Variants in AKAP13 observed in about 807,000 individuals in gnomAD.
AKAP13 encodes the protein A-kinase anchoring protein 13, also known as A-kinase anchor protein 13.
In AKAP13, 80 loss-of-function variants were observed where a neutral mutation model predicts 264.5. The ratio of observed to expected loss-of-function variants is 0.30; its 90% CI spans 0.25 to 0.36. AKAP13 has a LOEUF of 0.36. Among genes scored for constraint, AKAP13 ranks in the 10% least tolerant of loss-of-function variants. The probability of loss-of-function intolerance (pLI) is 1.00; values close to 1 mark genes in which losing one functional copy is unlikely to be tolerated. For synonymous variants in AKAP13, 1,380 were observed against 1,250.2 expected (o/e 1.10, Z -2.19); for missense variants, 3,712 against 3,435.2 (o/e 1.08, Z -2.01).
chr15:85,389,433 CTGT>C (rs1315349992), intron 1 of AKAP13, among the ~76,000 whole-genome samples: 1 of 152,168 alleles, frequency 6.6e-6, no homozygotes, highest in Admixed American at 6.6e-5. Flanking sequence ...TCTGTGCTAC[CTGT>C]TGTTCAGGCT....
chr15:85,432,108 A>G (rs924912495), intron 1 of AKAP13, among the ~76,000 whole-genome samples: 2 of 149,806 alleles, frequency 1.3e-5, no homozygotes, highest in Non-Finnish European at 3.0e-5. Context: ...CTTTTTTTTT[A>G]GAAGAATACG....
In AKAP13 at chr15:85,727,551, C is replaced by T; in HGVS notation, c.7087+88C>T. On this transcript the variant is annotated intron_variant, in intron 29 of 36. Transcript: ENST00000394518. The surrounding 1 kb of genome is among the most constrained non-coding windows in gnomAD (Gnocchi z 5.3). ...GGTGGATTTTAGAGGTACGGGTTTG[C>T]CCTCAGTTCTAAAGCTGCCCCAGCA... is the stretch of plus-strand genomic sequence containing the variant. The T allele has an allele frequency of 6.8e-7, 1 of 1,468,078 alleles. No homozygotes were observed. The highest frequency in any genetic ancestry group is 9.4e-7 in the Non-Finnish European group (1 of 1,060,224). The allele number at this position is 1,468,078 out of a possible 1,614,324, so 90.9% of individuals were successfully genotyped here.
intron 8 of AKAP13, among the ~76,000 whole-genome samples, chr15:85,617,599 G>A (rs1282942514): frequency 6.6e-6 from 1 of 152,152 alleles, no homozygotes; most frequent in Non-Finnish European, 1.5e-5. Context: ...CAGATGCCTG[G>A]GAACCTTGGA....
chr15:85,537,262 CATAA>C (rs1299178228), intron 4 of AKAP13, among the ~76,000 whole-genome samples: 1 of 33,378 alleles, frequency 3.0e-5, no homozygotes, highest in East Asian at 3.9e-4. Context: ...ATGAGTTGCA[CATAA>C]ATACTTTTAA....
intron 3 of AKAP13, among the ~76,000 whole-genome samples, chr15:85,526,421 G>A (rs2077044792): frequency 6.7e-6 from 1 of 150,074 alleles, no homozygotes; most frequent in Non-Finnish European, 1.5e-5. Context: ...ACGTGTGTGT[G>A]TCCATCATAA....
rs745462837 is a variant in AKAP13, at chr15:85,521,582, A to G, written c.181+7A>G. On this transcript the variant is annotated splice_region_variant and intron_variant, in intron 3 of 36. Coordinates refer to ENST00000394518, the MANE Select transcript of AKAP13 (RefSeq NM_007200.5). ...TTGGAGACCATTGCTCCTGGTAAGT[A>G]TTTGAATGGGATCCTTACTAGCTTT... 4 of 1,613,480 alleles carry G rather than the reference A, an allele frequency of 2.5e-6. No individual in the cohort carries two copies. The highest frequency in any genetic ancestry group is 1.1e-5 in the South Asian group (1 of 90,932).
At chr15:85,460,609 G>C (rs910391004) in intron 1 of AKAP13, among the ~76,000 whole-genome samples, 5 of 152,218 alleles carry the variant, frequency 3.3e-5, no homozygotes, top group Admixed American at 6.5e-5. Context: ...ATATAATTAA[G>C]ATGAAAGGCC....
chr15:85,667,344 C>G (rs2083659905), intron 13 of AKAP13, among the ~76,000 whole-genome samples: 1 of 152,054 alleles, frequency 6.6e-6, no homozygotes, highest in African/African-American at 2.4e-5. Context: ...AAAAATTTTT[C>G]TACTTGTTCT....
Position 85,582,116 on chromosome 15 carries a change from A to C in AKAP13, c.4039+9A>C. On this transcript the variant is annotated intron_variant, in intron 7 of 36. Transcript: ENST00000394518. Reference sequence around the variant, plus strand: ...GCCTGAGCCAGCAGCAGGTAAGCAAAACATAATACAAAATTAACAGTCTGA... The same window carrying C: ...GCCTGAGCCAGCAGCAGGTAAGCAACACATAATACAAAATTAACAGTCTGA... 6.4e-7 allele frequency: 1 copy of C among 1,567,968 alleles called. No individual in the cohort carries two copies. Among genetic ancestry groups the C allele is most frequent in the Non-Finnish European group, 8.6e-7 (1 of 1,160,016 alleles).
rs138689107 is a variant in AKAP13 at position 85,511,027 on chromosome 15, T to C, written c.34-10401T>C. On this transcript the variant is annotated intron_variant, in intron 2 of 36. Coordinates refer to ENST00000394518, the MANE Select transcript of AKAP13 (RefSeq NM_007200.5). ...GAATAGATAGATGAAAGATATGTTA[T>C]GAAAAAACCCATTTAAGGCTAGAGA... 6.5e-3 allele frequency among the ~76,000 whole-genome samples: 995 copies of C among 152,240 alleles called. 8 individuals carry two copies. The highest frequency in any genetic ancestry group is 0.014 in the Middle Eastern group (4 of 294).
intron 1 of AKAP13, among the ~76,000 whole-genome samples, chr15:85,402,419 G>C: frequency 6.6e-6 from 1 of 152,110 alleles, no homozygotes; most frequent in East Asian, 1.9e-4. Flanking sequence ...CTTTGTTCTT[G>C]GTATAAGTCT....
intron 2 of AKAP13, among the ~76,000 whole-genome samples, chr15:85,511,354 C>G (rs778330501): frequency 5.3e-5 from 8 of 152,170 alleles, no homozygotes; most frequent in African/African-American, 1.9e-4. Context: ...TAGTTCTTAA[C>G]TTAGTGCAGG....
intron 1 of AKAP13, among the ~76,000 whole-genome samples, chr15:85,458,544 AGATT>A (rs916143222): frequency 3.0e-4 from 46 of 151,984 alleles, no homozygotes; most frequent in African/African-American, 1.0e-3. Flanking sequence ...AATGTTATAT[AGATT>A]ATTTCCAGAT....
chr15:85,534,866 CATA>C (rs761236365), intron 4 of AKAP13: 1 of 151,250 alleles, frequency 6.6e-6, no homozygotes, highest in Middle Eastern at 3.4e-3. Context: ...TTTAATGAAA[CATA>C]ATGTGTACCT....
intron 1 of AKAP13, among the ~76,000 whole-genome samples, chr15:85,432,990 C>T (rs1329965887): frequency 6.6e-6 from 1 of 151,840 alleles, no homozygotes; most frequent in African/African-American, 2.4e-5. Context: ...AGATACTTAA[C>T]ATTTTAGTTT....
At chr15:85,691,674 C>T (rs761478325) in intron 16 of AKAP13, among the ~76,000 whole-genome samples, 1 of 152,202 alleles carries the variant, frequency 6.6e-6, no homozygotes. Flanking sequence ...CCCCACTGTT[C>T]ACCCAGTCTC....
At chr15:85,583,678 G>A (rs1004833738) in intron 7 of AKAP13, among the ~76,000 whole-genome samples, 1 of 152,192 alleles carries the variant, frequency 6.6e-6, no homozygotes, top group Admixed American at 6.5e-5. Flanking sequence ...TGGCTCAGTG[G>A]TCAGAATTTG....
intron 34 of AKAP13, among the ~76,000 whole-genome samples, 179 bp from the exon 35 acceptor site, chr15:85,740,867 T>G (rs1388216200): frequency 6.7e-6 from 1 of 148,164 alleles, no homozygotes; most frequent in Admixed American, 6.9e-5. Context: ...TTTGAGGTTC[T>G]TGTATGATAA....
intron 3 of AKAP13, among the ~76,000 whole-genome samples, chr15:85,533,306 G>T (rs1217467877): frequency 6.6e-6 from 1 of 152,176 alleles, no homozygotes; most frequent in Non-Finnish European, 1.5e-5. Context: ...TTCAGAGCCT[G>T]TTCGGTTCCA....
Sources: allele counts gnomAD v4.1 joint callset (sites outside exome capture counted in the v4.1 genomes callset), GRCh38; gene constraint gnomAD v4.1.1; non-coding constraint Gnocchi (gnomAD v3.1); transcripts MANE v1.5; gene names NCBI Gene and HGNC (gene_info 2026-07-23, HGNC 2026-07-21).